Variants in CMC1 observed in about 807,000 individuals in gnomAD.
CMC1 encodes the protein C-X9-C motif containing 1.
CMC1 carries 14 observed loss-of-function variants against 14.1 expected under a neutral mutation model. The observed-to-expected ratio is 0.99, with a 90% CI of 0.66 to 1.55. The LOEUF is 1.55. Ranked by LOEUF, CMC1 falls within the 40% of genes most tolerant of loss-of-function variation. CMC1 has a pLI of 0.00. For missense variants in CMC1, 127 were observed against 123.8 expected, an observed-to-expected ratio of 1.03 and a Z score of -0.12; for synonymous variants, 50 against 38.4, an observed-to-expected ratio of 1.30 and a Z score of -1.12.
At chr3:28,274,106 T>C (rs1248445352) in intron 2 of CMC1, among the ~76,000 whole-genome samples, 170 of 152,188 alleles carry the variant, frequency 1.1e-3, no homozygotes, top group Middle Eastern at 6.8e-3. Flanking sequence ...GTTAATATTG[T>C]TATATGTGAA....
At chr3:28,293,951 G>T (rs1449945456) in intron 2 of CMC1, among the ~76,000 whole-genome samples, 3 of 152,042 alleles carry the variant, frequency 2.0e-5, no homozygotes, top group African/African-American at 7.2e-5. Context: ...GTCTTCCTAA[G>T]ACCTTTTATA....
chr3:28,308,003 T>C (rs1195333683), intron 2 of CMC1, among the ~76,000 whole-genome samples: 1 of 152,200 alleles, frequency 6.6e-6, no homozygotes, highest in Non-Finnish European at 1.5e-5. Context: ...CATCATCTCA[T>C]CTCTTTTCTC....
At chr3:28,292,392 A>G (rs1222760803) in intron 2 of CMC1, among the ~76,000 whole-genome samples, 1 of 152,074 alleles carries the variant, frequency 6.6e-6, no homozygotes, top group Non-Finnish European at 1.5e-5. Context: ...TCTATCTAGA[A>G]AATTTCTTTT....
chr3:28,319,882 G>T lies in CMC1; in HGVS notation c.*253G>T. The T allele has an allele frequency of 3.8e-6, 1 of 266,504 alleles. No homozygotes were observed. The highest frequency in any genetic ancestry group is 7.1e-6 in the Non-Finnish European group (1 of 141,174). The allele number at this position is 266,504 out of a possible 1,614,324, so 16.5% of individuals were successfully genotyped here. A position where few individuals can be genotyped will look rare whatever the true frequency, so the allele number is the denominator to read the frequency against. ...CCCACAACTATAGTTCTATAACAGTGATACTGATTTTTTAGAGTTCAATAT... is the reference window on the plus strand; with the variant it reads ...CCCACAACTATAGTTCTATAACAGTTATACTGATTTTTTAGAGTTCAATAT... On this transcript the variant is annotated 3_prime_UTR_variant, in exon 4 of 4. Coordinates refer to ENST00000466830, the MANE Select transcript of CMC1 (RefSeq NM_182523.2).
chr3:28,259,568 A>T (rs563913372), intron 1 of CMC1, among the ~76,000 whole-genome samples: 2 of 152,282 alleles, frequency 1.3e-5, no homozygotes, highest in African/African-American at 4.8e-5. Flanking sequence ...CACTTTTTAC[A>T]TGCATTTTTT....
intron 2 of CMC1, among the ~76,000 whole-genome samples, chr3:28,276,455 T>C (rs1700594491): frequency 6.6e-6 from 1 of 152,202 alleles, no homozygotes; most frequent in African/African-American, 2.4e-5. Flanking sequence ...TAAAATGTCA[T>C]AGCTTTTTTA....
intron 2 of CMC1, among the ~76,000 whole-genome samples, chr3:28,281,000 C>T (rs1024775176): frequency 1.3e-5 from 2 of 152,180 alleles, no homozygotes; most frequent in Non-Finnish European, 2.9e-5. Flanking sequence ...TGGGTAGTTG[C>T]AACAGAGACC....
At chr3:28,244,955 T>G (rs1473300395) in intron 1 of CMC1, among the ~76,000 whole-genome samples, 1 of 151,476 alleles carries the variant, frequency 6.6e-6, no homozygotes, top group South Asian at 2.1e-4. Flanking sequence ...GAAGCCAGTT[T>G]TTTTTTTTTT....
intron 2 of CMC1, among the ~76,000 whole-genome samples, chr3:28,264,557 G>T (rs1477571438): frequency 6.6e-6 from 1 of 152,088 alleles, no homozygotes; most frequent in Non-Finnish European, 1.5e-5. Context: ...TTTAATCAGA[G>T]TACCTTTCTT....
At chr3:28,244,887 G>T (rs1698732166) in intron 1 of CMC1, among the ~76,000 whole-genome samples, 1 of 142,868 alleles carries the variant, frequency 7.0e-6, no homozygotes. Context: ...AAGTAGGAAG[G>T]TTTTTTTTTT....
chr3:28,284,265 T>G (rs1211488708), intron 2 of CMC1, among the ~76,000 whole-genome samples: 1 of 152,194 alleles, frequency 6.6e-6, no homozygotes, highest in Non-Finnish European at 1.5e-5. Context: ...TCATGCAACT[T>G]CTTTTGTGTT....
At chr3:28,293,607 A>T (rs1701594905) in intron 2 of CMC1, among the ~76,000 whole-genome samples, 1 of 152,112 alleles carries the variant, frequency 6.6e-6, no homozygotes, top group African/African-American at 2.4e-5. Flanking sequence ...TTTGAGATGG[A>T]GTCTTGCTCT....
intron 1 of CMC1, among the ~76,000 whole-genome samples, chr3:28,248,821 G>A (rs1334009227): frequency 6.6e-6 from 1 of 151,700 alleles, no homozygotes; most frequent in African/African-American, 2.4e-5. Context: ...ACAGAGTCTC[G>A]CTCTGTTGCC....
rs749083983 is a variant in CMC1, at chr3:28,253,718, G to A, written c.20-9573G>A. 71 of 1,275,630 alleles carry A rather than the reference G, an allele frequency of 5.6e-5. No individual in the cohort carries two copies. The African/African-American group carries it at 1.0e-3, about 19-fold the overall frequency. 79.0% of individuals were successfully genotyped at this position (1,275,630 alleles called of 1,614,324 possible). A position where few individuals can be genotyped will look rare whatever the true frequency, so the allele number is the denominator to read the frequency against. ...CAAGTTTATTACAAGCATTTTTCAT[G>A]TTTTTCCTACAGAGTAAACAGTAGC... On this transcript the variant is annotated intron_variant, in intron 1 of 3. Transcript: ENST00000466830.
In CMC1 at chr3:28,324,894, T is replaced by G. The variant is rs531755929; in HGVS notation, c.*5265T>G. Reference sequence around the variant, plus strand: ...TGGGGACTGAGACAGTTCTTAAGTTTTAGCATTTTTTAGTTAAATATAATA... The same window carrying G: ...TGGGGACTGAGACAGTTCTTAAGTTGTAGCATTTTTTAGTTAAATATAATA... On this transcript the variant is annotated 3_prime_UTR_variant, in exon 4 of 4. Transcript: ENST00000466830. The G allele has an allele frequency of 6.6e-6, 1 of 152,222 alleles. No homozygotes were observed. Among genetic ancestry groups the G allele is most frequent in the African/African-American group, 2.4e-5 (1 of 41,460 alleles). 9.4% of individuals were successfully genotyped at this position (152,222 alleles called of 1,614,324 possible). A position where few individuals can be genotyped will look rare whatever the true frequency, so the allele number is the denominator to read the frequency against.
chr3:28,248,516 A>G (rs1031330580), intron 1 of CMC1, among the ~76,000 whole-genome samples: 1 of 152,214 alleles, frequency 6.6e-6, no homozygotes, highest in Non-Finnish European at 1.5e-5. Context: ...TTGAACTTTT[A>G]TGATTCTAAA....
In CMC1 at chr3:28,324,514, A is replaced by G. The variant is rs562082194; in HGVS notation, c.*4885A>G. The stretch of plus-strand genomic sequence containing the variant: ...ATTACATTTGTGATCATAAAATTCG[A>G]TAACACTTCACCAATTTGAATTCTA... On this transcript the variant is annotated 3_prime_UTR_variant, in exon 4 of 4. Coordinates refer to ENST00000466830, the MANE Select transcript of CMC1 (RefSeq NM_182523.2). The G allele has an allele frequency of 1.4e-3, 1,854 of 1,356,304 alleles. 2 individuals are homozygous for G. The highest frequency in any genetic ancestry group is 1.7e-3 in the Non-Finnish European group (1,761 of 1,029,986). 84.0% of individuals were successfully genotyped at this position (1,356,304 alleles called of 1,614,324 possible).
chr3:28,242,309 T>C (rs1431856234), intron 1 of CMC1, among the ~76,000 whole-genome samples: 1 of 152,240 alleles, frequency 6.6e-6, no homozygotes, highest in African/African-American at 2.4e-5. Flanking sequence ...TCTTGAATGT[T>C]GTTTTAATCT....
At chr3:28,250,103 C>T (rs1337015914) in intron 1 of CMC1, among the ~76,000 whole-genome samples, 1 of 152,188 alleles carries the variant, frequency 6.6e-6, no homozygotes, top group East Asian at 1.9e-4. Context: ...TCTCCACATA[C>T]AGTCACATTG....
Sources: gnomAD v4.1 joint callset for allele counts (sites outside exome capture counted in the v4.1 genomes callset) on GRCh38, gnomAD v4.1.1 for gene constraint, MANE v1.5 for transcripts, NCBI Gene and HGNC (gene_info 2026-07-23, HGNC 2026-07-21) for gene names.